Variants in DAB1 observed in about 807,000 individuals in gnomAD.
The protein encoded by DAB1 is DAB adaptor protein 1.
A neutral mutation model predicts 64.6 loss-of-function variants in DAB1; 15 were observed. The observed-to-expected ratio is 0.23, with a 90% CI of 0.16 to 0.36. The LOEUF (loss-of-function observed/expected upper bound fraction) is 0.36, where lower values mean the gene tolerates loss of function less well. DAB1 is among the 10% of genes least tolerant of loss of function. DAB1 has a pLI of 1.00. For synonymous variants in DAB1, 235 were observed against 251.9 expected, an observed-to-expected ratio of 0.93 and a Z score of 0.64; for missense variants, 596 against 706.7, an observed-to-expected ratio of 0.84 and a Z score of 1.78.
At chr1:57,760,275 GC>G (rs1360216087) in intron 6 of DAB1, among the ~76,000 whole-genome samples, 1 of 152,060 alleles carries the variant, frequency 6.6e-6, no homozygotes, top group Non-Finnish European at 1.5e-5. Flanking sequence ...ATATCTCACA[GC>G]CCCAAAACAA....
chr1:57,729,774 C>T (rs1647330132), intron 6 of DAB1, among the ~76,000 whole-genome samples: 1 of 152,132 alleles, frequency 6.6e-6, no homozygotes, highest in Non-Finnish European at 1.5e-5. Context: ...ATATAAGAAC[C>T]TTATGTCCAG....
At chr1:57,086,662 C>CACAT (rs1653108424) in intron 4 of DAB1, among the ~76,000 whole-genome samples, 1 of 149,786 alleles carries the variant, frequency 6.7e-6, no homozygotes, top group Non-Finnish European at 1.5e-5. Flanking sequence ...CACACACACA[C>CACAT]ACACACACAC....
At chr1:58,497,054 C>T (rs374837443) in intron 3 of DAB1, among the ~76,000 whole-genome samples, 1 of 152,170 alleles carries the variant, frequency 6.6e-6, no homozygotes, top group Non-Finnish European at 1.5e-5. Context: ...ATGCAAAGCA[C>T]TATGAAGCTT....
At position 57,715,930 on chromosome 1, in the gene DAB1, C is replaced by T. The variant is rs576996589; in HGVS notation, n.552-66265G>A. Among the ~76,000 whole-genome samples, 309 of 152,146 alleles carry T rather than the reference C, an allele frequency of 2.0e-3. 2 individuals carry two copies. The highest frequency in any genetic ancestry group is 7.0e-3 in the African/African-American group (291 of 41,540). On this transcript the variant is annotated intron_variant and non_coding_transcript_variant, in intron 6 of 20. Transcript: ENST00000485760. ...TGACATTCTTTTTTTCTTTTCTTTT[C>T]GAGACAGTCTTGCCTTGTTGCCCAG...
intron 1 of DAB1, among the ~76,000 whole-genome samples, chr1:57,865,707 A>G (rs1038185100): frequency 2.6e-5 from 4 of 152,120 alleles, no homozygotes; most frequent in Non-Finnish European, 5.9e-5. Flanking sequence ...ACACATTTGT[A>G]ATTATTTGTT....
At chr1:58,377,182 T>A (rs1327950194) in intron 3 of DAB1, among the ~76,000 whole-genome samples, 3 of 151,170 alleles carry the variant, frequency 2.0e-5, no homozygotes, top group Non-Finnish European at 4.4e-5. Context: ...CATTTACAAT[T>A]AAAATTAATC....
At position 57,243,175 on chromosome 1, in the gene DAB1, G is replaced by C. The variant is rs373333182; in HGVS notation, c.67+47789C>G. Reference sequence around the variant, plus strand: ...TAAATGGAAAAGATATGATTGATCAGCCATGATGGATCAATACTTACATGT... The same window carrying C: ...TAAATGGAAAAGATATGATTGATCACCCATGATGGATCAATACTTACATGT... On this transcript the variant is annotated intron_variant, in intron 2 of 14. Coordinates refer to ENST00000371236, the MANE Select transcript of DAB1 (RefSeq NM_001365792.1). Among the ~76,000 whole-genome samples, 4 of 152,298 alleles carry C rather than the reference G, an allele frequency of 2.6e-5. No individual in the cohort carries two copies. In the East Asian group the frequency reaches 7.7e-4, roughly 29 times the overall value.
intron 4 of DAB1, among the ~76,000 whole-genome samples, chr1:58,310,862 A>T (rs1232775255): frequency 6.6e-6 from 1 of 152,110 alleles, no homozygotes; most frequent in Admixed American, 6.6e-5. Context: ...CATTAGGGGC[A>T]AGAGACAGAG....
intron 4 of DAB1, among the ~76,000 whole-genome samples, chr1:58,168,294 AG>A (rs1198470776): frequency 1.3e-5 from 2 of 152,142 alleles, no homozygotes; most frequent in African/African-American, 2.4e-5. Flanking sequence ...CAGAGAGGAA[AG>A]CCATTCAGCT....
At chr1:57,449,931 C>A (rs1380243338) in intron 7 of DAB1, among the ~76,000 whole-genome samples, 9 of 152,162 alleles carry the variant, frequency 5.9e-5, no homozygotes, top group Admixed American at 3.9e-4. Flanking sequence ...GGCTCTGTAT[C>A]CAGCCACTGG....
intron 7 of DAB1, among the ~76,000 whole-genome samples, chr1:57,584,180 C>G (rs1227475010): frequency 1.3e-5 from 2 of 152,184 alleles, no homozygotes; most frequent in Non-Finnish European, 2.9e-5. Context: ...TGAGCCGTAA[C>G]CAATCCAGCC....
At chr1:57,234,151 C>T (rs183194) in intron 2 of DAB1, among the ~76,000 whole-genome samples, 2 of 152,050 alleles carry the variant, frequency 1.3e-5, no homozygotes, top group South Asian at 2.1e-4. Flanking sequence ...AAGAATGGCC[C>T]GACTCAAGGA....
At chr1:57,877,377 C>T (rs1644063803) in intron 1 of DAB1, among the ~76,000 whole-genome samples, 1 of 152,080 alleles carries the variant, frequency 6.6e-6, no homozygotes, top group Non-Finnish European at 1.5e-5. Context: ...CTCTGTTCCC[C>T]ACCCTGCAGC....
chr1:57,963,631 A>G (rs112155913), intron 5 of DAB1, among the ~76,000 whole-genome samples: 113 of 152,216 alleles, frequency 7.4e-4, no homozygotes, highest in African/African-American at 2.6e-3. Flanking sequence ...ATTTCTCTCA[A>G]TCTAGCCCAG....
chr1:57,759,703 C>T (rs1387456983), intron 6 of DAB1, among the ~76,000 whole-genome samples: 2 of 152,066 alleles, frequency 1.3e-5, no homozygotes, highest in Non-Finnish European at 2.9e-5. Flanking sequence ...GATTATTCCA[C>T]CTACTCTTTG....
intron 3 of DAB1, among the ~76,000 whole-genome samples, chr1:58,426,850 T>C (rs1245633941): frequency 6.6e-6 from 1 of 152,146 alleles, no homozygotes; most frequent in Non-Finnish European, 1.5e-5. Flanking sequence ...ATAAGTGCTA[T>C]GGAAAAAAAT....
chr1:57,092,437 G>A (rs972497666), intron 4 of DAB1, among the ~76,000 whole-genome samples: 18 of 152,074 alleles, frequency 1.2e-4, no homozygotes, highest in Admixed American at 1.1e-3. Flanking sequence ...TCATGATAGT[G>A]AGTGAGTTCT....
intron 7 of DAB1, among the ~76,000 whole-genome samples, chr1:57,514,937 C>T (rs1450776987): frequency 6.6e-6 from 1 of 152,126 alleles, no homozygotes; most frequent in Non-Finnish European, 1.5e-5. Context: ...CAATGCTCAG[C>T]ACATCATGAG....
At chr1:57,763,521 A>G (rs1649175160) in intron 6 of DAB1, among the ~76,000 whole-genome samples, 1 of 151,584 alleles carries the variant, frequency 6.6e-6, no homozygotes, top group Admixed American at 6.6e-5. Flanking sequence ...CAGAAAAAGG[A>G]AAAAAAAATT....
Sources: allele counts gnomAD v4.1 joint callset (sites outside exome capture counted in the v4.1 genomes callset), GRCh38; gene constraint gnomAD v4.1.1; transcripts MANE v1.5; gene names NCBI Gene and HGNC (gene_info 2026-07-23, HGNC 2026-07-21).